ADAMTSL1: variants seen among roughly 807,000 people sequenced by gnomAD.
ADAMTSL1 encodes the protein ADAMTS-like protein 1.
A neutral mutation model predicts 201.8 loss-of-function variants in ADAMTSL1; 126 were observed. The ratio of observed to expected loss-of-function variants is 0.62; its 90% confidence interval spans 0.54 to 0.72. ADAMTSL1 has a LOEUF of 0.72. ADAMTSL1 is among the 30% of genes least tolerant of loss of function. The probability of loss-of-function intolerance (pLI) is 0.00; values close to 1 mark genes in which losing one functional copy is unlikely to be tolerated. For missense variants in ADAMTSL1, 2,679 were observed against 2,277.8 expected (o/e 1.18, Z -3.59); for synonymous variants, 1,121 against 903.4 (o/e 1.24, Z -4.32).
intron 4 of ADAMTSL1, among the ~76,000 whole-genome samples, chr9:18,603,845 A>T (rs1248612072): frequency 6.6e-6 from 1 of 152,148 alleles, no homozygotes; most frequent in Non-Finnish European, 1.5e-5. Flanking sequence ...TTAACCAATA[A>T]CTCCCTGTTA....
rs534434627 is a variant in ADAMTSL1, at chr9:18,095,843, G to A, written c.88-68019G>A. The stretch of plus-strand genomic sequence containing the variant: ...CCCTGGTTTCTTTTAGTGGGAAATG[G>A]TATTTGAAGATCCAAATCTGAGAGT... On this transcript the variant is annotated intron_variant, in intron 1 of 29. Transcript: ENST00000680146. 4.0e-4 allele frequency among the ~76,000 whole-genome samples: 61 copies of A among 152,274 alleles called. No individual in the cohort carries two copies. The South Asian group carries it at 0.012, about 30-fold the overall frequency.
intron 2 of ADAMTSL1, among the ~76,000 whole-genome samples, chr9:18,466,358 T>A (rs1344648721): frequency 1.3e-5 from 2 of 152,208 alleles, no homozygotes; most frequent in African/African-American, 4.8e-5. Flanking sequence ...TTATCTTATA[T>A]TTTATTTCCT....
At chr9:18,521,292 A>G (rs1409235057) in intron 2 of ADAMTSL1, among the ~76,000 whole-genome samples, 1 of 152,120 alleles carries the variant, frequency 6.6e-6, no homozygotes, top group Non-Finnish European at 1.5e-5. Flanking sequence ...ACATTTTTAA[A>G]GTACTAAAAG....
At chr9:18,008,701 A>G (rs1174919208) in intron 1 of ADAMTSL1, among the ~76,000 whole-genome samples, 2 of 151,850 alleles carry the variant, frequency 1.3e-5, no homozygotes, top group African/African-American at 4.8e-5. Flanking sequence ...CACCTTAGCA[A>G]TTAGGTGCTC....
intron 5 of ADAMTSL1, among the ~76,000 whole-genome samples, chr9:18,635,366 ATAGAG>A: frequency 6.6e-6 from 1 of 152,192 alleles, no homozygotes; most frequent in East Asian, 1.9e-4. Context: ...AAATTTTAAA[ATAGAG>A]TATAGTGTAG....
At chr9:18,749,899 C>T (rs533433483) in intron 15 of ADAMTSL1, among the ~76,000 whole-genome samples, 3 of 152,324 alleles carry the variant, frequency 2.0e-5, no homozygotes, top group African/African-American at 7.2e-5. Flanking sequence ...CTCAAGTGGC[C>T]TCATGGCTGC....
intron 2 of ADAMTSL1, among the ~76,000 whole-genome samples, chr9:18,525,759 T>A (rs141518250): frequency 0.02 from 3,073 of 152,266 alleles, 40 homozygotes; most frequent in Non-Finnish European, 0.031. Context: ...TGGTTTTGAG[T>A]GAGTTTCTTA....
chr9:18,149,971 G>C (rs905891220), intron 1 of ADAMTSL1, among the ~76,000 whole-genome samples: 2 of 152,114 alleles, frequency 1.3e-5, no homozygotes, highest in Non-Finnish European at 2.9e-5. Flanking sequence ...TGTGGTACCA[G>C]TATGGACAGA....
chr9:18,625,761 T>C (rs1564098472), intron 5 of ADAMTSL1, among the ~76,000 whole-genome samples: 2 of 152,354 alleles, frequency 1.3e-5, no homozygotes, highest in Admixed American at 1.3e-4. Context: ...TATTTCCAGC[T>C]TTGCAGAACT....
chr9:17,987,207 C>G (rs143322413), intron 1 of ADAMTSL1, among the ~76,000 whole-genome samples: 25 of 152,162 alleles, frequency 1.6e-4, no homozygotes, highest in African/African-American at 6.0e-4. Flanking sequence ...GCAGATGCAT[C>G]AGGGCAGTGA....
At chr9:17,921,127 A>G (rs112133958) in intron 1 of ADAMTSL1, among the ~76,000 whole-genome samples, 1 of 152,104 alleles carries the variant, frequency 6.6e-6, no homozygotes, top group South Asian at 2.1e-4. Context: ...TGGGTTGTTC[A>G]TCATCTCTTA....
chr9:17,977,836 G>C (rs1340508620), intron 1 of ADAMTSL1, among the ~76,000 whole-genome samples: 1 of 151,922 alleles, frequency 6.6e-6, no homozygotes, highest in African/African-American at 2.4e-5. Context: ...TAATCTGTTA[G>C]GTCTATTTGG....
rs763829691 is a variant in ADAMTSL1 at position 18,504,963 on chromosome 9, C to T, written c.191+7C>T. 4 of 1,603,882 alleles carry T rather than the reference C, an allele frequency of 2.5e-6. No individual in the cohort carries two copies. Among genetic ancestry groups the T allele is most frequent in the Non-Finnish European group, 2.5e-6 (3 of 1,178,244 alleles). ...GGCGCTGCCTGAGCAGCAAGTAAGTCCTGCACCCGTTGGGGGTCTTTGTGA... is the reference window on the plus strand; with the variant it reads ...GGCGCTGCCTGAGCAGCAAGTAAGTTCTGCACCCGTTGGGGGTCTTTGTGA... On this transcript the variant is annotated splice_region_variant and intron_variant, in intron 2 of 28. Coordinates refer to ENST00000380548, the MANE Select transcript of ADAMTSL1 (RefSeq NM_001040272.6).
chr9:18,839,319 T>A (rs973887090), intron 23 of ADAMTSL1, among the ~76,000 whole-genome samples: 1 of 151,796 alleles, frequency 6.6e-6, no homozygotes, highest in Non-Finnish European at 1.5e-5. Flanking sequence ...TTACTGAGAA[T>A]GATGATTTCC....
intron 2 of ADAMTSL1, among the ~76,000 whole-genome samples, chr9:18,529,113 A>T (rs1027934776): frequency 1.3e-5 from 2 of 152,232 alleles, no homozygotes; most frequent in East Asian, 3.8e-4. Context: ...CTAGCTACTT[A>T]TGTGAAATTT....
chr9:18,017,567 G>T (rs896496686), intron 1 of ADAMTSL1, among the ~76,000 whole-genome samples: 1 of 151,944 alleles, frequency 6.6e-6, no homozygotes, highest in Non-Finnish European at 1.5e-5. Flanking sequence ...TGGCTCCGAA[G>T]CCATGTATAG....
chr9:18,220,016 C>T (rs1179925853), intron 2 of ADAMTSL1, among the ~76,000 whole-genome samples: 1 of 151,874 alleles, frequency 6.6e-6, no homozygotes, highest in Non-Finnish European at 1.5e-5. Flanking sequence ...ATTTCATTGG[C>T]TAGGACCACT....
intron 2 of ADAMTSL1, among the ~76,000 whole-genome samples, chr9:18,228,813 A>G (rs762337619): frequency 5.3e-5 from 8 of 151,316 alleles, no homozygotes; most frequent in Non-Finnish European, 1.0e-4. Flanking sequence ...ACAGATGAGA[A>G]TGCTGTGATT....
At chr9:18,414,686 T>A in intron 2 of ADAMTSL1, among the ~76,000 whole-genome samples, 1 of 152,250 alleles carries the variant, frequency 6.6e-6, no homozygotes, top group South Asian at 2.1e-4. Flanking sequence ...GAGTTGAACT[T>A]TGAAGCAGAA....
Sources: gnomAD v4.1 joint callset for allele counts (sites outside exome capture counted in the v4.1 genomes callset) on GRCh38, gnomAD v4.1.1 for gene constraint, MANE v1.5 for transcripts, NCBI Gene and HGNC (gene_info 2026-07-23, HGNC 2026-07-21) for gene names.